CORIN: variants seen among roughly 807,000 people sequenced by gnomAD.
CORIN encodes the protein corin, serine peptidase, also known as atrial natriuretic peptide-converting enzyme.
A neutral mutation model predicts 125.3 loss-of-function variants in CORIN; 117 were observed. The observed-to-expected ratio is 0.93, with a 90% CI of 0.80 to 1.09. The LOEUF is 1.09. CORIN is among the 50% of genes least tolerant of loss of function. The pLI is 0.00. For synonymous variants in CORIN, 450 were observed against 466.4 expected, an observed-to-expected ratio of 0.96 and a Z score of 0.45; for missense variants, 1,253 against 1,306.7, an observed-to-expected ratio of 0.96 and a Z score of 0.63.
chr4:47,653,521 C>T (rs765496217), intron 13 of CORIN, 32 bp downstream of exon 13: 22 of 1,522,494 alleles, frequency 1.4e-5, no homozygotes, highest in Middle Eastern at 3.4e-4. Context: ...TATCACTGTA[C>T]ATTCAAGAAA....
intron 5 of CORIN, among the ~76,000 whole-genome samples, chr4:47,716,439 G>A (rs1727092693): frequency 6.6e-6 from 1 of 152,086 alleles, no homozygotes; most frequent in South Asian, 2.1e-4. Context: ...CAACTCAAAG[G>A]GCTCTCTGAT....
At chr4:47,662,522 T>G (rs1724297787) in intron 11 of CORIN, among the ~76,000 whole-genome samples, 1 of 152,144 alleles carries the variant, frequency 6.6e-6, no homozygotes, top group Admixed American at 6.6e-5. Flanking sequence ...TAAGTTAAAG[T>G]ATCAGCGTGC....
At position 47,595,672 on chromosome 4, in the gene CORIN, G is replaced by C. The variant is rs1408788002; in HGVS notation, c.*49C>G. On this transcript the variant is annotated 3_prime_UTR_variant, in exon 22 of 22. Coordinates refer to ENST00000273857, the MANE Select transcript of CORIN (RefSeq NM_006587.4). The stretch of plus-strand genomic sequence containing the variant: ...CAGGCAGCTCTTCACAGTCAAGAAG[G>C]CCATTTTCTTTTAGTGTAGCTGGCA... 6.8e-7 allele frequency: 1 copy of C among 1,471,200 alleles called. No homozygotes were observed. The highest frequency in any genetic ancestry group is 9.2e-7 in the Non-Finnish European group (1 of 1,083,932). The allele number at this position is 1,471,200 out of a possible 1,614,324, so 91.1% of individuals were successfully genotyped here.
At chr4:47,740,741 TAATC>T (rs1728354084) in intron 5 of CORIN, among the ~76,000 whole-genome samples, 1 of 151,950 alleles carries the variant, frequency 6.6e-6, no homozygotes, top group South Asian at 2.1e-4. Flanking sequence ...CAAACTGTGG[TAATC>T]AAGAAAGATA....
At chr4:47,810,128 G>C (rs1378408835) in intron 1 of CORIN, among the ~76,000 whole-genome samples, 1 of 152,084 alleles carries the variant, frequency 6.6e-6, no homozygotes, top group East Asian at 1.9e-4. Flanking sequence ...TTTGTGTTTT[G>C]TTTGTTGTTG....
At chr4:47,832,193 C>G (rs540606099) in intron 1 of CORIN, among the ~76,000 whole-genome samples, 6 of 152,128 alleles carry the variant, frequency 3.9e-5, no homozygotes, top group Non-Finnish European at 8.8e-5. Flanking sequence ...GGGAAAAGAA[C>G]AATACATAAG....
chr4:47,695,154 T>C (rs767489459), intron 5 of CORIN, among the ~76,000 whole-genome samples: 4 of 152,088 alleles, frequency 2.6e-5, no homozygotes, highest in Non-Finnish European at 4.4e-5. Context: ...AAACGATTCA[T>C]AGAAAACCAG....
chr4:47,753,533 G>A (rs1009345339), intron 4 of CORIN, among the ~76,000 whole-genome samples: 6 of 151,954 alleles, frequency 3.9e-5, no homozygotes, highest in South Asian at 4.1e-4. Flanking sequence ...CAGAGTGGCC[G>A]TTTATAGACC....
At chr4:47,674,854 T>TA (rs1724942433) in intron 9 of CORIN, among the ~76,000 whole-genome samples, 2 of 152,324 alleles carry the variant, frequency 1.3e-5, no homozygotes, top group Admixed American at 1.3e-4. Flanking sequence ...GAGAACGTTA[T>TA]AAAAATCTTG....
rs190646922 is a variant in CORIN at position 47,758,712 on chromosome 4, T to C, written c.617+4667A>G. Among the ~76,000 whole-genome samples, 143 of 152,308 alleles carry C rather than the reference T, an allele frequency of 9.4e-4. 1 individual carries two copies. The highest frequency in any genetic ancestry group is 3.3e-3 in the African/African-American group (139 of 41,562). ...AATCATAGGGGCAGTTACCCCCATGTTGCTGTTCTTGTGATAGTGAGTGAG... is the reference window on the plus strand; with the variant it reads ...AATCATAGGGGCAGTTACCCCCATGCTGCTGTTCTTGTGATAGTGAGTGAG... On this transcript the variant is annotated intron_variant, in intron 4 of 21. Transcript: ENST00000273857.
intron 1 of CORIN, among the ~76,000 whole-genome samples, chr4:47,816,484 A>G (rs532666256): frequency 6.6e-6 from 1 of 152,204 alleles, no homozygotes. Flanking sequence ...TGAAGAAAAC[A>G]TAGTCCCTGT....
intron 4 of CORIN, among the ~76,000 whole-genome samples, chr4:47,747,999 C>T (rs1159478416): frequency 6.6e-6 from 1 of 152,108 alleles, no homozygotes; most frequent in Non-Finnish European, 1.5e-5. Flanking sequence ...ATTAAAATAC[C>T]ATTAGGCCCT....
intron 1 of CORIN, among the ~76,000 whole-genome samples, chr4:47,822,425 C>T (rs1426211727): frequency 6.6e-6 from 1 of 152,204 alleles, no homozygotes; most frequent in Admixed American, 6.5e-5. Context: ...TTCTCAGACC[C>T]CACTGGTTTT....
intron 2 of CORIN, among the ~76,000 whole-genome samples, chr4:47,801,208 T>C (rs1731525410): frequency 6.6e-6 from 1 of 152,246 alleles, no homozygotes; most frequent in Admixed American, 6.5e-5. Flanking sequence ...CACTGTTGAA[T>C]TCAACTATGA....
intron 3 of CORIN, among the ~76,000 whole-genome samples, chr4:47,771,536 A>G (rs1177482355): frequency 2.6e-5 from 4 of 152,096 alleles, no homozygotes; most frequent in Non-Finnish European, 5.9e-5. Flanking sequence ...TTATTTCGTC[A>G]CCCAAGTATT....
chr4:47,701,881 T>C (rs1359897326), intron 5 of CORIN, among the ~76,000 whole-genome samples: 1 of 152,116 alleles, frequency 6.6e-6, no homozygotes, highest in East Asian at 1.9e-4. Flanking sequence ...TTTAAATCGT[T>C]GGAAAACAAG....
chr4:47,693,678 T>C (rs1265354074), intron 5 of CORIN, among the ~76,000 whole-genome samples: 3 of 152,228 alleles, frequency 2.0e-5, no homozygotes, highest in Non-Finnish European at 4.4e-5. Context: ...GGAAATGGCA[T>C]TCACTAATAA....
intron 14 of CORIN, among the ~76,000 whole-genome samples, chr4:47,643,464 G>T (rs921836980): frequency 2.0e-5 from 3 of 152,098 alleles, no homozygotes; most frequent in African/African-American, 7.2e-5. Context: ...CATTTAAACA[G>T]AATTACTATG....
rs1414411500 is a variant in CORIN at position 47,641,925 on chromosome 4, AC to A, written c.2192del (p.Gly731ValfsTer2). ...ILSQLACKQMGLGEPSVTKLI... is the reference protein window; with the variant it reads ...ILSQLACKQMXLGEPSVTKLI... ...CTACAAACTACTGACCTTACCCTAA[AC>A]CCATCTGCTTGCAGGCCAGCTGACT... On this transcript the variant is annotated frameshift_variant, in exon 16 of 22. Coordinates refer to ENST00000273857, the MANE Select transcript of CORIN (RefSeq NM_006587.4). LOFTEE classifies it high-confidence loss of function. 5 of 1,612,902 alleles carry A rather than the reference AC, an allele frequency of 3.1e-6. No individual in the cohort carries two copies. Among genetic ancestry groups the A allele is most frequent in the Non-Finnish European group, 4.2e-6 (5 of 1,179,346 alleles).
Sources: allele counts gnomAD v4.1 joint callset (sites outside exome capture counted in the v4.1 genomes callset), GRCh38; gene constraint gnomAD v4.1.1; transcripts MANE v1.5; gene names NCBI Gene and HGNC (gene_info 2026-07-23, HGNC 2026-07-21).